RBM17: variants seen among roughly 807,000 people sequenced by gnomAD.
RBM17 encodes RNA binding motif protein 17.
RBM17 carries 7 observed loss-of-function variants against 53.2 expected under a neutral mutation model. That is an observed-to-expected ratio of 0.13 (90% CI 0.07 to 0.25). RBM17 has a LOEUF of 0.25. Ranked by LOEUF, RBM17 falls within the 10% of genes least tolerant of loss-of-function variation. The pLI is 1.00. For missense variants in RBM17, 257 were observed against 496.7 expected, an observed-to-expected ratio of 0.52 and a Z score of 4.59; for synonymous variants, 167 against 178.1, an observed-to-expected ratio of 0.94 and a Z score of 0.50.
intron 2 of RBM17, among the ~76,000 whole-genome samples, chr10:6,097,750 G>A (rs985018977): frequency 6.6e-6 from 1 of 152,212 alleles, no homozygotes; most frequent in Non-Finnish European, 1.5e-5. Context: ...AGTAGTGGAG[G>A]TCTAAGATTG....
At chr10:6,110,702 G>C (rs954360907) in intron 7 of RBM17, among the ~76,000 whole-genome samples, 2 of 152,216 alleles carry the variant, frequency 1.3e-5, no homozygotes, top group Non-Finnish European at 2.9e-5. Flanking sequence ...TTGATCCTGT[G>C]AGACGGCTGT....
Position 6,098,556 on chromosome 10 carries a change from G to GTTTTTTTTTTTTTTTTTTTT in RBM17, c.123+1374_123+1375insTTTTTTTTTTTTTTTTTTTT, listed in dbSNP as rs1221504658. On this transcript the variant is annotated intron_variant, in intron 2 of 11. Transcript: ENST00000379888. ...GTTTGAAAATTTCCGTAATACACAG[G>GTTTTTTTTTTTTTTTTTTTT]TTTTTTGTTTTTTTTTTTTTTTTTT... is the stretch of plus-strand genomic sequence containing the variant. 2.0e-4 allele frequency among the ~76,000 whole-genome samples: 18 copies of GTTTTTTTTTTTTTTTTTTTT among 87,976 alleles called. 4 individuals carry two copies. The highest frequency in any genetic ancestry group is 2.8e-4 in the African/African-American group (7 of 24,768). 57.7% of individuals were successfully genotyped at this position (87,976 alleles called of 152,430 possible).
chr10:6,098,563 G>GTGTTTTTTTTTTTTTTTTTTTTTT (rs1554834988), intron 2 of RBM17, among the ~76,000 whole-genome samples: 1 of 46,644 alleles, frequency 2.1e-5, no homozygotes, highest in African/African-American at 8.0e-5. Context: ...CAGGTTTTTT[G>GTGTTTTTTTTTTTTTTTTTTTTTT]TTTTTTTTTT....
Position 6,101,391 on chromosome 10 carries a change from A to G in RBM17, c.240+4A>G. Reference sequence around the variant, plus strand: ...GCATGTAGCAGCTGGGCTGAAGGTAAGCCCGCGCCTGCCTGTGAGCTTGAT... The same window carrying G: ...GCATGTAGCAGCTGGGCTGAAGGTAGGCCCGCGCCTGCCTGTGAGCTTGAT... On this transcript the variant is annotated splice_donor_region_variant and intron_variant, in intron 3 of 11. Transcript: ENST00000379888. The G allele has an allele frequency of 1.3e-6, 2 of 1,588,372 alleles. No homozygotes were observed. The highest frequency in any genetic ancestry group is 1.7e-6 in the Non-Finnish European group (2 of 1,159,306).
At position 6,112,236 on chromosome 10, in the gene RBM17, A is replaced by G. The variant is rs776141370; in HGVS notation, c.731A>G (p.Gln244Arg). The G allele has an allele frequency of 1.9e-6, 3 of 1,613,262 alleles. No individual in the cohort carries two copies. In the South Asian group the frequency reaches 3.3e-5, roughly 18 times the overall value. ...MGGTVAHKIM[Q>R]KYGFREGQGL... ...GGCACGGTGGCGCACAAGATCATGC[A>G]GAAGTACGGCTTCCGGGAGGGCCAG... The change falls in exon 8 of 12, where the codon CAG (glutamine) becomes CGG (arginine). Residue 244 changes from glutamine to arginine, a missense_variant. Gln to Arg is a conservative substitution (Grantham distance 43). Transcript: ENST00000379888. The surrounding 1 kb of genome is among the most constrained non-coding windows in gnomAD (Gnocchi z 4.4).
intron 3 of RBM17, among the ~76,000 whole-genome samples, chr10:6,102,705 G>A (rs928150083): frequency 2.0e-5 from 3 of 152,042 alleles, no homozygotes; most frequent in African/African-American, 7.2e-5. Context: ...CTCATTAAGC[G>A]AATGCATCAT....
intron 6 of RBM17, 24 bp from the exon 7 acceptor site, chr10:6,109,962 G>A: frequency 6.3e-7 from 1 of 1,584,332 alleles, no homozygotes; most frequent in East Asian, 2.3e-5. Flanking sequence ...ATTTTGGTGA[G>A]CCTACTTTAT....
At chr10:6,111,208 C>T (rs569666789) in intron 7 of RBM17, among the ~76,000 whole-genome samples, 1 of 152,340 alleles carries the variant, frequency 6.6e-6, no homozygotes, top group South Asian at 2.1e-4. Context: ...CAGCAGTGGT[C>T]ATGGGGTTGG....
rs776989803 is a variant in RBM17 at position 6,110,101 on chromosome 10, T to C, written c.678T>C (p.Pro226=). 7.6e-5 allele frequency: 123 copies of C among 1,610,014 alleles called. No individual in the cohort carries two copies. Among genetic ancestry groups the C allele is most frequent in the Non-Finnish European group, 9.8e-5 (115 of 1,178,256 alleles). Residue 226 remains proline, a synonymous_variant, in exon 7 of 12, where the codon CCT becomes CCC. Transcript: ENST00000379888. ...EQDRPRSPTG[P]SNSFLANMGG... ...ACAGACCGAGATCTCCAACCGGACCTAGCAACTCCTTCCTCGCTAACATGG... is the reference window on the plus strand; with the variant it reads ...ACAGACCGAGATCTCCAACCGGACCCAGCAACTCCTTCCTCGCTAACATGG...
At chr10:6,098,556 G>GGTTTTTTTTTTTTTTTTTTTTT (rs1840613398) in intron 2 of RBM17, among the ~76,000 whole-genome samples, 2 of 87,976 alleles carry the variant, frequency 2.3e-5, no homozygotes, top group Non-Finnish European at 4.5e-5. Context: ...TAATACACAG[G>GGTTTTTTTTTTTTTTTTTTTTT]TTTTTTGTTT....
intron 5 of RBM17, 133 bp downstream of exon 5, chr10:6,106,371 G>A (rs1840748601): frequency 1.6e-6 from 1 of 631,146 alleles, no homozygotes; most frequent in Non-Finnish European, 2.8e-6. Context: ...TGGAATCCCA[G>A]CAATACACAT....
In RBM17 at chr10:6,103,380, G is replaced by C. The variant is rs758127193; in HGVS notation, c.241-1551G>C. On this transcript the variant is annotated intron_variant, in intron 3 of 11. Coordinates refer to ENST00000379888, the MANE Select transcript of RBM17 (RefSeq NM_032905.5). ...TTGATTTCATTGTTAAGCATAGCAG[G>C]GTTTATATGTAAAAGTTTTTTTCTT... 5.9e-5 allele frequency among the ~76,000 whole-genome samples: 9 copies of C among 152,054 alleles called. No homozygotes were observed. In the East Asian group the frequency reaches 1.3e-3, roughly 23 times the overall value.
intron 9 of RBM17, 71 bp from the exon 10 acceptor site, chr10:6,113,978 A>G: frequency 3.0e-6 from 3 of 988,904 alleles, no homozygotes; most frequent in Non-Finnish European, 4.7e-6. Flanking sequence ...ACTAAGTCAT[A>G]TTTATATACC....
chr10:6,108,492 G>A, intron 5 of RBM17, 194 bp from the exon 6 acceptor site: 3 of 493,148 alleles, frequency 6.1e-6, no homozygotes, highest in Non-Finnish European at 1.1e-5. Flanking sequence ...CTGAGGGAGT[G>A]TTGCCACTTT....
Position 6,115,266 on chromosome 10 carries a change from G to T in RBM17, c.1057G>T (p.Val353Leu). The change falls in exon 11 of 12, where the codon GTA becomes TTA. Residue 353 changes from valine to leucine, a missense_variant. By Grantham distance (32) the Val-to-Leu change is conservative (BLOSUM62 1). Coordinates refer to ENST00000379888, the MANE Select transcript of RBM17 (RefSeq NM_032905.5). The stretch of plus-strand genomic sequence containing the variant: ...TCCTGGTGCCCCTGATGATGAAGCA[G>T]TACGGATATTTTTAGAATTTGAGAG... ...EIPGAPDDEA[V>L]RIFLEFERVE... The T allele has an allele frequency of 6.2e-7, 1 of 1,613,816 alleles. No individual in the cohort carries two copies. The highest frequency in any genetic ancestry group is 8.5e-7 in the Non-Finnish European group (1 of 1,179,814).
intron 2 of RBM17, among the ~76,000 whole-genome samples, chr10:6,098,557 T>TTTG (rs1840615006): frequency 2.9e-5 from 1 of 34,128 alleles, no homozygotes; most frequent in African/African-American, 9.1e-5. Flanking sequence ...AATACACAGG[T>TTTG]TTTTTGTTTT....
chr10:6,090,422 A>G (rs1312061662), intron 1 of RBM17, among the ~76,000 whole-genome samples: 1 of 152,166 alleles, frequency 6.6e-6, no homozygotes, highest in Non-Finnish European at 1.5e-5. Flanking sequence ...AGAGGGCTTT[A>G]TTTTTAGAGT....
rs2132933575 is a variant in RBM17, at chr10:6,089,985, T to C, written c.-19+792T>C. 6.6e-6 allele frequency: 1 copy of C among 152,158 alleles called. No homozygotes were observed. The highest frequency in any genetic ancestry group is 1.5e-5 in the Non-Finnish European group (1 of 68,040). The allele number at this position is 152,158 out of a possible 1,614,324, so 9.4% of individuals were successfully genotyped here. On this transcript the variant is annotated intron_variant, in intron 1 of 11. Coordinates refer to ENST00000379888, the MANE Select transcript of RBM17 (RefSeq NM_032905.5). The surrounding 1 kb of genome is among the most constrained non-coding windows in gnomAD (Gnocchi z 5.6). ...TGAGTCTTGAAGGTACGTTGTTAGA[T>C]GTGAGAGGTGGGAAAAAGGCTGCCG...
intron 7 of RBM17, 132 bp downstream of exon 7, chr10:6,110,259 G>A: frequency 3.2e-6 from 2 of 624,490 alleles, no homozygotes; most frequent in Non-Finnish European, 4.9e-6. Context: ...CACGGTACCT[G>A]CCTCAATCGT....
Sources: gnomAD v4.1 joint callset for allele counts (sites outside exome capture counted in the v4.1 genomes callset) on GRCh38, gnomAD v4.1.1 for gene constraint, Gnocchi (gnomAD v3.1) non-coding constraint, MANE v1.5 for transcripts, NCBI Gene and HGNC (gene_info 2026-07-23, HGNC 2026-07-21) for gene names.